The following RALYL variants were observed in gnomAD, a reference collection of about 807,000 sequenced individuals.
The protein encoded by RALYL is RALY RNA binding protein like.
A neutral mutation model predicts 35.1 loss-of-function variants in RALYL; 29 were observed. That is an observed-to-expected ratio of 0.83 (90% CI 0.61 to 1.13). The LOEUF (loss-of-function observed/expected upper bound fraction) is 1.13. Ranked by LOEUF, RALYL falls within the 50% of genes most tolerant of loss-of-function variation. The probability of loss-of-function intolerance (pLI) is 0.00; values close to 1 mark genes in which losing one functional copy is unlikely to be tolerated. For synonymous variants in RALYL, 120 were observed against 127.6 expected (o/e 0.94, Z 0.40); for missense variants, 359 against 360.4 (o/e 1.00, Z 0.03).
intron 1 of RALYL, among the ~76,000 whole-genome samples, chr8:84,249,396 CATT>C (rs544464333): frequency 4.6e-5 from 7 of 152,180 alleles, no homozygotes; most frequent in East Asian, 1.9e-4. Flanking sequence ...AGTTCTACAT[CATT>C]GAGAAGAAAA....
At chr8:84,471,735 A>T (rs571306388) in intron 1 of RALYL, among the ~76,000 whole-genome samples, 9 of 152,354 alleles carry the variant, frequency 5.9e-5, no homozygotes, top group African/African-American at 2.2e-4. Context: ...TGACCTTGAC[A>T]AATTTCTTAA....
At chr8:84,749,932 A>G (rs1163223667) in intron 2 of RALYL, among the ~76,000 whole-genome samples, 1 of 152,194 alleles carries the variant, frequency 6.6e-6, no homozygotes, top group Non-Finnish European at 1.5e-5. Flanking sequence ...CCTGAGAGGC[A>G]GCTCATCCTG....
intron 2 of RALYL, among the ~76,000 whole-genome samples, chr8:84,700,275 G>T (rs1172306319): frequency 6.6e-6 from 1 of 151,984 alleles, no homozygotes; most frequent in South Asian, 2.1e-4. Flanking sequence ...AGTTATAAAG[G>T]ATAAACATTT....
At chr8:84,325,083 TC>T (rs1432727212) in intron 1 of RALYL, among the ~76,000 whole-genome samples, 1 of 152,254 alleles carries the variant, frequency 6.6e-6, no homozygotes, top group East Asian at 1.9e-4. Context: ...AAGTTCCATT[TC>T]CCTTAAAGTT....
intron 2 of RALYL, among the ~76,000 whole-genome samples, chr8:84,558,274 C>G (rs1054792130): frequency 3.9e-5 from 6 of 152,196 alleles, no homozygotes; most frequent in Admixed American, 6.6e-5. Context: ...AAAGCATAAA[C>G]TTGCCTGGTA....
chr8:84,503,867 G>GAA (rs35719322), intron 1 of RALYL, among the ~76,000 whole-genome samples: 87 of 147,830 alleles, frequency 5.9e-4, no homozygotes, highest in South Asian at 1.7e-3. Context: ...CTGTCTCAAA[G>GAA]AAAAAAAAAT....
chr8:84,896,601 C>A (rs2135515732), intron 8 of RALYL, among the ~76,000 whole-genome samples: 1 of 152,262 alleles, frequency 6.6e-6, no homozygotes, highest in Non-Finnish European at 1.5e-5. Context: ...GCTCCTAGTT[C>A]TCTCCCATTC....
At chr8:84,300,217 G>A (rs958624347) in intron 1 of RALYL, among the ~76,000 whole-genome samples, 1 of 151,930 alleles carries the variant, frequency 6.6e-6, no homozygotes, top group Non-Finnish European at 1.5e-5. Context: ...TCAGGATCAG[G>A]TTGTTTAATT....
chr8:84,835,547 G>C (rs182394582), intron 4 of RALYL, among the ~76,000 whole-genome samples: 1 of 150,910 alleles, frequency 6.6e-6, no homozygotes, highest in Non-Finnish European at 1.5e-5. Context: ...GCTGGGCATG[G>C]TGGTGCATGC....
chr8:84,524,177 G>T (rs1283613589), intron 1 of RALYL, among the ~76,000 whole-genome samples: 1 of 152,022 alleles, frequency 6.6e-6, no homozygotes, highest in Non-Finnish European at 1.5e-5. Flanking sequence ...TACAAAATGG[G>T]AGAAAATTTT....
chr8:84,370,693 T>C (rs192310869), intron 1 of RALYL, among the ~76,000 whole-genome samples: 191 of 152,102 alleles, frequency 1.3e-3, no homozygotes, highest in Non-Finnish European at 2.1e-3. Context: ...AGAATCTGAG[T>C]AATTACACAA....
At chr8:84,671,891 C>G (rs2131833336) in intron 2 of RALYL, among the ~76,000 whole-genome samples, 1 of 152,304 alleles carries the variant, frequency 6.6e-6, no homozygotes, top group Non-Finnish European at 1.5e-5. Flanking sequence ...ATTTATGCAG[C>G]CAGCTTGATT....
chr8:84,530,677 G>GAGT (rs1403518218), intron 2 of RALYL, among the ~76,000 whole-genome samples: 2 of 152,100 alleles, frequency 1.3e-5, no homozygotes, highest in African/African-American at 2.4e-5. Context: ...ACTCTTGCCA[G>GAGT]AGTGTCTTTT....
chr8:84,905,993 G>C (rs1846427797), intron 8 of RALYL, among the ~76,000 whole-genome samples: 1 of 152,012 alleles, frequency 6.6e-6, no homozygotes, highest in Non-Finnish European at 1.5e-5. Flanking sequence ...TTATTTCTTA[G>C]AAACATCCAG....
At chr8:84,639,462 A>T (rs1049313656) in intron 2 of RALYL, among the ~76,000 whole-genome samples, 2 of 151,924 alleles carry the variant, frequency 1.3e-5, no homozygotes, top group Non-Finnish European at 2.9e-5. Context: ...AATCAAAAAA[A>T]GTGAGGAAAG....
chr8:84,362,373 A>T (rs543600501), intron 1 of RALYL, among the ~76,000 whole-genome samples: 4 of 152,252 alleles, frequency 2.6e-5, no homozygotes, highest in African/African-American at 9.6e-5. Flanking sequence ...TTATGGGATC[A>T]TAGGGGTTTC....
rs200859627 is a variant in RALYL, at chr8:84,838,988, TG to T, written c.366-10988del. Among the ~76,000 whole-genome samples, 769 of 152,236 alleles carry T rather than the reference TG, an allele frequency of 5.1e-3. 6 individuals carry two copies. The highest frequency in any genetic ancestry group is 0.018 in the African/African-American group (733 of 41,560). On this transcript the variant is annotated intron_variant, in intron 4 of 8. Coordinates refer to ENST00000521268, the MANE Select transcript of RALYL (RefSeq NM_173848.7). The stretch of plus-strand genomic sequence containing the variant: ...ATAAAAACAATTTGGGGGCGGCAGG[TG>T]GGGCCAAGATGGCCAAATAGGAACA...
chr8:84,373,286 C>A (rs1426634193), intron 1 of RALYL, among the ~76,000 whole-genome samples: 1 of 151,818 alleles, frequency 6.6e-6, no homozygotes, highest in East Asian at 1.9e-4. Context: ...ATCATGAAAT[C>A]TTTGCTTGTT....
intron 1 of RALYL, among the ~76,000 whole-genome samples, chr8:84,510,891 T>C (rs1402025982): frequency 6.6e-6 from 1 of 152,166 alleles, no homozygotes; most frequent in Non-Finnish European, 1.5e-5. Flanking sequence ...AATGATTAAC[T>C]GAAGCTAATT....
Sources: allele counts gnomAD v4.1 joint callset (sites outside exome capture counted in the v4.1 genomes callset), GRCh38; gene constraint gnomAD v4.1.1; transcripts MANE v1.5; gene names NCBI Gene and HGNC (gene_info 2026-07-23, HGNC 2026-07-21).